Variants in GABBR2 observed in about 807,000 individuals in gnomAD.
GABBR2 encodes the protein gamma-aminobutyric acid type B receptor subunit 2.
In GABBR2, 23 loss-of-function variants were observed where a neutral mutation model predicts 105.6. The observed-to-expected ratio is 0.22, with a 90% CI of 0.16 to 0.31. The LOEUF is 0.31. Among genes scored for constraint, GABBR2 ranks in the 10% least tolerant of loss-of-function variants. The pLI is 1.00. For missense variants in GABBR2, 734 were observed against 1,245.5 expected (o/e 0.59, Z 6.18); for synonymous variants, 478 against 499.7 (o/e 0.96, Z 0.58).
chr9:98,364,634 T>C (rs1206920622), intron 12 of GABBR2, among the ~76,000 whole-genome samples: 1 of 148,628 alleles, frequency 6.7e-6, no homozygotes, highest in Admixed American at 6.7e-5. Context: ...TCTTGCTTTG[T>C]CACTTAGGCT....
In GABBR2 at chr9:98,362,709, G is replaced by T. The variant is rs768251779; in HGVS notation, c.1893+6C>A. On this transcript the variant is annotated splice_donor_region_variant and intron_variant, in intron 13 of 18. Transcript: ENST00000259455. ...GGCTTCCCTCCTGCCGGCATGGAGG[G>T]CTTACCTCCATGCTGTACTTCTCCA... The T allele has an allele frequency of 5.8e-6, 9 of 1,545,880 alleles. No individual in the cohort carries two copies. In the African/African-American group the frequency reaches 1.1e-4, roughly 19 times the overall value.
chr9:98,674,345 G>A lies in GABBR2; in HGVS notation c.321+34072C>T, dbSNP rs117172184. 3.1e-3 allele frequency among the ~76,000 whole-genome samples: 478 copies of A among 152,246 alleles called. 10 individuals are homozygous for A. In the East Asian group the frequency reaches 0.039, roughly 12 times the overall value. Reference sequence around the variant, plus strand: ...GAACAAACAGATCCCACCCAATCACGAAAGCCAGGAATGCCACGTGAACAT... The same window carrying A: ...GAACAAACAGATCCCACCCAATCACAAAAGCCAGGAATGCCACGTGAACAT... On this transcript the variant is annotated intron_variant, in intron 1 of 18. Transcript: ENST00000259455.
At chr9:98,603,076 CTTG>C (rs1167069886) in intron 1 of GABBR2, among the ~76,000 whole-genome samples, 1 of 152,192 alleles carries the variant, frequency 6.6e-6, no homozygotes, top group African/African-American at 2.4e-5. Flanking sequence ...TGCTGGTATT[CTTG>C]TTGTTGCTAA....
intron 13 of GABBR2, among the ~76,000 whole-genome samples, chr9:98,353,385 A>G (rs1564028385): frequency 6.6e-6 from 1 of 152,194 alleles, no homozygotes; most frequent in African/African-American, 2.4e-5. Context: ...GTCATCCATA[A>G]AAGTTGGAAT....
chr9:98,306,587 C>A lies in GABBR2; in HGVS notation c.2005-242G>T. The A allele has an allele frequency of 1.8e-6, 1 of 554,084 alleles. No individual in the cohort carries two copies. The highest frequency in any genetic ancestry group is 3.2e-6 in the Non-Finnish European group (1 of 307,702). 34.3% of individuals were successfully genotyped at this position (554,084 alleles called of 1,614,324 possible). A position where few individuals can be genotyped will look rare whatever the true frequency, so the allele number is the denominator to read the frequency against. On this transcript the variant is annotated intron_variant, in intron 14 of 18. Coordinates refer to ENST00000259455, the MANE Select transcript of GABBR2 (RefSeq NM_005458.8). This position sits in a 1 kb window ranked among gnomAD's most constrained non-coding sequence, Gnocchi z 5.4. ...GACAGCTGTCCAGTTCTCCTGCACCCCTATGACTGGTTCATGCACAGACCT... is the reference window on the plus strand; with the variant it reads ...GACAGCTGTCCAGTTCTCCTGCACCACTATGACTGGTTCATGCACAGACCT...
chr9:98,665,475 A>G (rs141336701), intron 1 of GABBR2, among the ~76,000 whole-genome samples: 14 of 118,848 alleles, frequency 1.2e-4, no homozygotes, highest in African/African-American at 4.5e-4. Flanking sequence ...CCCAGGGCAG[A>G]AAAGGTCTTT....
At chr9:98,675,501 A>G (rs1350491524) in intron 1 of GABBR2, among the ~76,000 whole-genome samples, 1 of 152,234 alleles carries the variant, frequency 6.6e-6, no homozygotes, top group Non-Finnish European at 1.5e-5. Context: ...CAAAGCCCTC[A>G]GCTTGTGTGA....
intron 11 of GABBR2, among the ~76,000 whole-genome samples, chr9:98,384,478 T>TACTC (rs1475003186): frequency 6.6e-6 from 1 of 152,028 alleles, no homozygotes; most frequent in Admixed American, 6.6e-5. Flanking sequence ...TAGTCCCAGC[T>TACTC]ACTCAGGAGG....
chr9:98,490,316 A>G (rs1827150665), intron 4 of GABBR2, among the ~76,000 whole-genome samples: 1 of 152,208 alleles, frequency 6.6e-6, no homozygotes. Flanking sequence ...GACAAAAAAA[A>G]GGAATAAAGA....
chr9:98,358,742 T>G (rs1489605453), intron 13 of GABBR2, among the ~76,000 whole-genome samples: 1 of 152,084 alleles, frequency 6.6e-6, no homozygotes, highest in Non-Finnish European at 1.5e-5. Flanking sequence ...GGCAGGGGCG[T>G]CATGGAGTCA....
At chr9:98,631,689 A>C (rs1588260602) in intron 1 of GABBR2, among the ~76,000 whole-genome samples, 1 of 152,316 alleles carries the variant, frequency 6.6e-6, no homozygotes, top group South Asian at 2.1e-4. Context: ...CTCCCTCCCA[A>C]ATACAAATCT....
chr9:98,692,256 T>C (rs1206871791), intron 1 of GABBR2, among the ~76,000 whole-genome samples: 1 of 152,036 alleles, frequency 6.6e-6, no homozygotes, highest in Non-Finnish European at 1.5e-5. Context: ...AGGAGGCAGG[T>C]GCTCCAAGCT....
chr9:98,629,260 C>T (rs933112057), intron 1 of GABBR2, among the ~76,000 whole-genome samples: 1 of 152,050 alleles, frequency 6.6e-6, no homozygotes, highest in Admixed American at 6.6e-5. Context: ...AGAGATTATC[C>T]AGGTTTATGC....
chr9:98,513,891 G>A (rs1051697949), intron 3 of GABBR2, among the ~76,000 whole-genome samples: 1 of 152,180 alleles, frequency 6.6e-6, no homozygotes, highest in Non-Finnish European at 1.5e-5. Flanking sequence ...ATTTGACCCA[G>A]CCATCCTATT....
intron 6 of GABBR2, among the ~76,000 whole-genome samples, chr9:98,456,082 C>T (rs549182815): frequency 3.9e-5 from 6 of 152,240 alleles, no homozygotes; most frequent in East Asian, 1.9e-4. Flanking sequence ...TCCCTGAGTT[C>T]GTCCTGTTAC....
At chr9:98,584,592 G>C (rs901389859) in intron 1 of GABBR2, among the ~76,000 whole-genome samples, 5 of 152,112 alleles carry the variant, frequency 3.3e-5, no homozygotes, top group African/African-American at 1.2e-4. Context: ...AAAAAGTGAG[G>C]CTCCAGATGA....
At position 98,579,592 on chromosome 9, in the gene GABBR2, C is replaced by G. The variant is rs573703328; in HGVS notation, c.322-1520G>C. On this transcript the variant is annotated intron_variant, in intron 1 of 18. Transcript: ENST00000259455. ...TTCCATGCACTTAAAACCCAAACTCCTATCACAATATAACTCTCAAAAGGT... is the reference window on the plus strand; with the variant it reads ...TTCCATGCACTTAAAACCCAAACTCGTATCACAATATAACTCTCAAAAGGT... Among the ~76,000 whole-genome samples the G allele has an allele frequency of 4.6e-5, 7 of 152,318 alleles. No individual in the cohort carries two copies. The South Asian group carries it at 8.3e-4, about 18-fold the overall frequency.
chr9:98,413,968 A>G (rs1267530336), intron 7 of GABBR2, among the ~76,000 whole-genome samples: 1 of 152,250 alleles, frequency 6.6e-6, no homozygotes, highest in Non-Finnish European at 1.5e-5. Flanking sequence ...CAGACACATG[A>G]TGAAATATTA....
At chr9:98,408,709 C>A (rs1832531947) in intron 7 of GABBR2, among the ~76,000 whole-genome samples, 1 of 152,200 alleles carries the variant, frequency 6.6e-6, no homozygotes, top group South Asian at 2.1e-4. Flanking sequence ...AGAAACAAGT[C>A]CTCCAATGCT....
Sources: allele counts gnomAD v4.1 joint callset (sites outside exome capture counted in the v4.1 genomes callset), GRCh38; gene constraint gnomAD v4.1.1; non-coding constraint Gnocchi (gnomAD v3.1); transcripts MANE v1.5; gene names NCBI Gene and HGNC (gene_info 2026-07-23, HGNC 2026-07-21).